Variants in SLC25A36 observed in about 807,000 individuals in gnomAD.
The protein encoded by SLC25A36 is solute carrier family 25 member 36.
Under a neutral mutation model 35.3 loss-of-function variants are expected in SLC25A36, and 24 were observed. That is an observed-to-expected ratio of 0.68 (90% CI 0.49 to 0.96). The LOEUF is 0.96. SLC25A36 is among the 40% of genes least tolerant of loss of function. The pLI is 0.00. For missense variants in SLC25A36, 294 were observed against 381.1 expected (o/e 0.77, Z 1.90); for synonymous variants, 141 against 132.2 (o/e 1.07, Z -0.46).
intron 1 of SLC25A36, chr3:140,942,350 T>G: frequency 2.7e-6 from 1 of 363,906 alleles, no homozygotes; most frequent in Non-Finnish European, 5.0e-6. Flanking sequence ...CAAAGAGGGT[T>G]GAGGCATGAA....
chr3:140,947,423 T>C (rs1485032655), intron 1 of SLC25A36, among the ~76,000 whole-genome samples: 4 of 152,232 alleles, frequency 2.6e-5, no homozygotes, highest in African/African-American at 9.6e-5. Flanking sequence ...CTTAAAATAG[T>C]AAGCACTTTG....
At chr3:140,976,154 T>C in intron 6 of SLC25A36, 106 bp from the exon 7 acceptor site, 1 of 758,116 alleles carries the variant, frequency 1.3e-6, no homozygotes, top group Admixed American at 3.2e-5. Flanking sequence ...CCATCCTTTT[T>C]TATCCTGAGC....
chr3:140,951,768 T>C (rs572678755), intron 1 of SLC25A36, among the ~76,000 whole-genome samples: 4 of 152,284 alleles, frequency 2.6e-5, no homozygotes, highest in African/African-American at 9.6e-5. Flanking sequence ...GTCCTAGGTT[T>C]ACAGGTGTGA....
intron 4 of SLC25A36, chr3:140,968,204 T>TAA (rs1261777768): frequency 1.1e-6 from 1 of 949,004 alleles, no homozygotes; most frequent in East Asian, 1.2e-4. Context: ...CTATTTAGTT[T>TAA]GTTAAAGTGT....
chr3:140,950,189 T>TA (rs1212185618), intron 1 of SLC25A36, among the ~76,000 whole-genome samples: 3 of 152,208 alleles, frequency 2.0e-5, no homozygotes, highest in African/African-American at 7.2e-5. Context: ...ACTGCAGAGC[T>TA]AAGTTTAAGT....
rs373794748 is a variant in SLC25A36, at chr3:140,963,426, A to T, written c.385+199A>T. ...GACATTTTTGTAGTCAGGAGTTTAC[A>T]TGCTAGGGTACAAGTAATATATTTA... On this transcript the variant is annotated intron_variant, in intron 4 of 6. Coordinates refer to ENST00000324194, the MANE Select transcript of SLC25A36 (RefSeq NM_001104647.3). The T allele has an allele frequency of 3.9e-5, 18 of 460,126 alleles. 1 individual carries two copies. Among genetic ancestry groups the T allele is most frequent in the East Asian group, 1.7e-4 (4 of 23,360 alleles). The allele number at this position is 460,126 out of a possible 1,614,324, so 28.5% of individuals were successfully genotyped here.
chr3:140,943,109 A>T (rs1362103357), intron 1 of SLC25A36, among the ~76,000 whole-genome samples: 16 of 152,212 alleles, frequency 1.1e-4, no homozygotes, highest in Admixed American at 1.0e-3. Context: ...AATCATTTGG[A>T]GAATCATAGC....
At chr3:140,946,497 G>T (rs891861693) in intron 1 of SLC25A36, among the ~76,000 whole-genome samples, 1 of 152,210 alleles carries the variant, frequency 6.6e-6, no homozygotes, top group African/African-American at 2.4e-5. Context: ...CAGAAGTAGG[G>T]AGTTGATCAG....
chr3:140,968,434 G>C (rs1247899835), intron 4 of SLC25A36: 1 of 981,532 alleles, frequency 1.0e-6, no homozygotes, highest in Admixed American at 6.2e-5. Context: ...CAATTACGTA[G>C]GGATAAGATA....
chr3:140,951,037 A>G (rs1174738069), intron 1 of SLC25A36, among the ~76,000 whole-genome samples: 1 of 152,106 alleles, frequency 6.6e-6, no homozygotes, highest in East Asian at 1.9e-4. Flanking sequence ...TCCCTCTTGA[A>G]TACTTGGTGC....
chr3:140,955,488 CT>C (rs1396686701), intron 1 of SLC25A36, among the ~76,000 whole-genome samples: 1 of 152,108 alleles, frequency 6.6e-6, no homozygotes. Flanking sequence ...ATTTTCTACT[CT>C]TGTATTTTAA....
intron 1 of SLC25A36, among the ~76,000 whole-genome samples, chr3:140,953,112 A>AT (rs1230929366): frequency 5.9e-5 from 9 of 152,212 alleles, no homozygotes; most frequent in African/African-American, 2.2e-4. Flanking sequence ...TACATTGCAT[A>AT]TACTCCAAGT....
rs11542224 is a variant in SLC25A36 at position 140,976,910 on chromosome 3, C to T, written c.*457C>T. On this transcript the variant is annotated 3_prime_UTR_variant, in exon 7 of 7. Transcript: ENST00000324194. Reference sequence around the variant, plus strand: ...GATCGTCAGTATTATTTTCACATTTCCCTGAGAGGACCTGGCACAATATTT... The same window carrying T: ...GATCGTCAGTATTATTTTCACATTTTCCTGAGAGGACCTGGCACAATATTT... The T allele has an allele frequency of 6.6e-6, 1 of 152,448 alleles. No homozygotes were observed. Among genetic ancestry groups the T allele is most frequent in the Non-Finnish European group, 1.5e-5 (1 of 68,146 alleles). 9.4% of individuals were successfully genotyped at this position (152,448 alleles called of 1,614,324 possible). A position where few individuals can be genotyped will look rare whatever the true frequency, so the allele number is the denominator to read the frequency against.
chr3:140,975,828 G>A (rs1408659004), intron 6 of SLC25A36, among the ~76,000 whole-genome samples: 4 of 152,104 alleles, frequency 2.6e-5, no homozygotes, highest in African/African-American at 9.7e-5. Context: ...GGACTGTTTT[G>A]AATAGATTAA....
chr3:140,972,240 A>G (rs1213180834), intron 5 of SLC25A36, among the ~76,000 whole-genome samples: 1 of 152,206 alleles, frequency 6.6e-6, no homozygotes, highest in Middle Eastern at 3.2e-3. Context: ...CATGACTTAA[A>G]ACTCTTTAAT....
At chr3:140,949,141 C>G (rs1934248662) in intron 1 of SLC25A36, among the ~76,000 whole-genome samples, 1 of 152,172 alleles carries the variant, frequency 6.6e-6, no homozygotes, top group African/African-American at 2.4e-5. Flanking sequence ...CAAAAAAACA[C>G]TATCTTTTTG....
chr3:140,946,870 A>C (rs2107779491), intron 1 of SLC25A36, among the ~76,000 whole-genome samples: 1 of 152,248 alleles, frequency 6.6e-6, no homozygotes, highest in South Asian at 2.1e-4. Flanking sequence ...AGAGGATTGG[A>C]CTAGGGATAT....
chr3:140,978,893 A>T lies in SLC25A36; in HGVS notation c.*2440A>T, dbSNP rs1935119788. ...TTTGAAGTTTTTAAAAAATCGACTC[A>T]TGTTTAAAAACAAAAACACATATTC... On this transcript the variant is annotated 3_prime_UTR_variant, in exon 7 of 7. Coordinates refer to ENST00000324194, the MANE Select transcript of SLC25A36 (RefSeq NM_001104647.3). 1 of 151,174 alleles carries T rather than the reference A, an allele frequency of 6.6e-6. No homozygotes were observed. Among genetic ancestry groups the T allele is most frequent in the Non-Finnish European group, 1.5e-5 (1 of 67,924 alleles). 9.4% of individuals were successfully genotyped at this position (151,174 alleles called of 1,614,324 possible). A position where few individuals can be genotyped will look rare whatever the true frequency, so the allele number is the denominator to read the frequency against.
At chr3:140,963,047 T>G in intron 3 of SLC25A36, 80 bp from the exon 4 acceptor site, 1 of 878,020 alleles carries the variant, frequency 1.1e-6, no homozygotes, top group Admixed American at 3.1e-5. Context: ...TTCTCCATTC[T>G]AAAATTATGA....
Sources: allele counts gnomAD v4.1 joint callset (sites outside exome capture counted in the v4.1 genomes callset), GRCh38; gene constraint gnomAD v4.1.1; transcripts MANE v1.5; gene names NCBI Gene and HGNC (gene_info 2026-07-23, HGNC 2026-07-21).